Variants in NOL10 observed in about 807,000 individuals in gnomAD.
NOL10 encodes the protein H_NH0074G24.1.
Under a neutral mutation model 103.5 loss-of-function variants are expected in NOL10, and 58 were observed. The observed-to-expected ratio is 0.56, with a 90% CI of 0.45 to 0.70. The LOEUF (loss-of-function observed/expected upper bound fraction) is 0.70, where lower values mean the gene tolerates loss of function less well. NOL10 is among the 30% of genes least tolerant of loss of function. The pLI, the probability that NOL10 is intolerant of heterozygous loss-of-function variation, is 0.00. For missense variants in NOL10, 763 were observed against 807.3 expected, an observed-to-expected ratio of 0.95 and a Z score of 0.67; for synonymous variants, 287 against 282.5, an observed-to-expected ratio of 1.02 and a Z score of -0.16.
At chr2:10,600,569 A>G (rs1214020771) in intron 17 of NOL10, among the ~76,000 whole-genome samples, 1 of 151,290 alleles carries the variant, frequency 6.6e-6, no homozygotes, top group African/African-American at 2.4e-5. Context: ...TTACACATAC[A>G]AGACTCTTGC....
intron 19 of NOL10, among the ~76,000 whole-genome samples, chr2:10,588,056 C>T (rs528767760): frequency 6.6e-6 from 1 of 152,288 alleles, no homozygotes; most frequent in African/African-American, 2.4e-5. Flanking sequence ...CAATCTTGTG[C>T]ATCAATACTT....
chr2:10,657,609 T>A (rs892513180), intron 11 of NOL10, 133 bp downstream of exon 11: 23 of 653,846 alleles, frequency 3.5e-5, no homozygotes, highest in African/African-American at 3.1e-4. Flanking sequence ...GTAACTGACC[T>A]CCCGCTAAGT....
chr2:10,655,801 A>G (rs1314910572), intron 11 of NOL10, among the ~76,000 whole-genome samples: 1 of 152,242 alleles, frequency 6.6e-6, no homozygotes, highest in Non-Finnish European at 1.5e-5. Flanking sequence ...TGACACTAGG[A>G]TGGACTAAGT....
intron 6 of NOL10, among the ~76,000 whole-genome samples, 186 bp downstream of exon 6, chr2:10,671,368 T>G (rs1680920175): frequency 6.6e-6 from 1 of 151,868 alleles, no homozygotes; most frequent in South Asian, 2.1e-4. Context: ...TAAACCAATA[T>G]GTAGAAAATA....
chr2:10,606,823 C>T (rs1229496086), intron 14 of NOL10, among the ~76,000 whole-genome samples: 3 of 151,864 alleles, frequency 2.0e-5, no homozygotes, highest in African/African-American at 7.3e-5. Flanking sequence ...ATTTACTTGC[C>T]GTCTCTGAGA....
chr2:10,684,102 A>C (rs559298216), intron 2 of NOL10, among the ~76,000 whole-genome samples: 47 of 151,702 alleles, frequency 3.1e-4, no homozygotes, highest in Non-Finnish European at 5.3e-4. Context: ...AACATGGAGA[A>C]ACCCCATCTC....
At chr2:10,607,809 G>A (rs1676339185) in intron 13 of NOL10, among the ~76,000 whole-genome samples, 2 of 147,280 alleles carry the variant, frequency 1.4e-5, no homozygotes, top group Admixed American at 6.8e-5. Context: ...TGTTGCCCAG[G>A]TTGGTCTTGA....
At chr2:10,603,041 G>A (rs776726129) in intron 15 of NOL10, 37 bp downstream of exon 15, 1 of 1,513,168 alleles carries the variant, frequency 6.6e-7, no homozygotes, top group Non-Finnish European at 9.1e-7. Flanking sequence ...CTGCGCATTA[G>A]TTACCTGAAA....
rs151127944 is a variant in NOL10, at chr2:10,671,721, T to C, written c.328-31A>G. ...AATAAAACAAAAAAATTAGTTTGCT[T>C]AGGTTTCTAGTTAGGTGTTTACTTC... On this transcript the variant is annotated intron_variant, in intron 5 of 20. Coordinates refer to ENST00000381685, the MANE Select transcript of NOL10 (RefSeq NM_024894.4). The C allele has an allele frequency of 9.8e-5, 148 of 1,504,144 alleles. No homozygotes were observed. In the East Asian group the frequency reaches 3.4e-3, roughly 34 times the overall value. 93.2% of individuals were successfully genotyped at this position (1,504,144 alleles called of 1,614,324 possible).
intron 13 of NOL10, among the ~76,000 whole-genome samples, chr2:10,637,804 G>A (rs1007979349): frequency 2.0e-5 from 3 of 152,168 alleles, no homozygotes; most frequent in African/African-American, 7.2e-5. Flanking sequence ...AACAGACGCA[G>A]AAGCACTAGT....
intron 13 of NOL10, among the ~76,000 whole-genome samples, chr2:10,632,600 G>C (rs1677921126): frequency 6.6e-6 from 1 of 152,120 alleles, no homozygotes; most frequent in East Asian, 1.9e-4. Flanking sequence ...AATTATGTCT[G>C]GTGGACAGTT....
chr2:10,676,638 C>CTTTTTT (rs1281732474), intron 3 of NOL10, among the ~76,000 whole-genome samples: 1 of 135,336 alleles, frequency 7.4e-6, no homozygotes, highest in Non-Finnish European at 1.6e-5. Flanking sequence ...GGCACTTTGT[C>CTTTTTT]TTTTTTTTTT....
chr2:10,630,572 C>T (rs1045336411), intron 13 of NOL10, among the ~76,000 whole-genome samples: 2 of 151,978 alleles, frequency 1.3e-5, no homozygotes, highest in African/African-American at 4.8e-5. Flanking sequence ...ATTAGTCGGG[C>T]ATGGTGGTGG....
chr2:10,663,966 T>A lies in NOL10; in HGVS notation c.592-922A>T, dbSNP rs75148735. On this transcript the variant is annotated intron_variant, in intron 8 of 20. Transcript: ENST00000381685. ...ACTCCGTCTCCAAAAAAAAAAAAAA[T>A]ACAAAATTAGCCAGGCATAGTGGCG... Among the ~76,000 whole-genome samples the A allele has an allele frequency of 7.3e-4, 101 of 138,408 alleles. 1 individual carries two copies. Among genetic ancestry groups the A allele is most frequent in the African/African-American group, 2.5e-3 (93 of 37,002 alleles). 90.8% of individuals were successfully genotyped at this position (138,408 alleles called of 152,430 possible). A position where few individuals can be genotyped will look rare whatever the true frequency, so the allele number is the denominator to read the frequency against.
chr2:10,673,123 C>T (rs1424064935), intron 5 of NOL10, among the ~76,000 whole-genome samples: 1 of 152,060 alleles, frequency 6.6e-6, no homozygotes, highest in East Asian at 1.9e-4. Flanking sequence ...AAACACACAA[C>T]CCTGCTAGTT....
chr2:10,626,797 G>A (rs755662206), intron 13 of NOL10, among the ~76,000 whole-genome samples: 8 of 152,194 alleles, frequency 5.3e-5, no homozygotes, highest in Non-Finnish European at 1.2e-4. Flanking sequence ...CATGCCAGAT[G>A]TAAGACTATT....
At chr2:10,593,389 G>A (rs563466155) in intron 17 of NOL10, among the ~76,000 whole-genome samples, 15 of 151,962 alleles carry the variant, frequency 9.9e-5, no homozygotes, top group South Asian at 2.1e-4. Flanking sequence ...CGCCTGCCTC[G>A]GCCTTCCAAA....
rs559150174 is a variant in NOL10 at position 10,571,020 on chromosome 2, C to G, written c.*1051G>C. On this transcript the variant is annotated 3_prime_UTR_variant, in exon 21 of 21. Transcript: ENST00000381685. Reference sequence around the variant, plus strand: ...GTATTATATTTACTAGTCAAGTATCCCAAATCTGAAAATCCAAAACCTGAA... The same window carrying G: ...GTATTATATTTACTAGTCAAGTATCGCAAATCTGAAAATCCAAAACCTGAA... 2.0e-5 allele frequency: 3 copies of G among 152,078 alleles called. No individual in the cohort carries two copies. The highest frequency in any genetic ancestry group is 7.2e-5 in the African/African-American group (3 of 41,456). 9.4% of individuals were successfully genotyped at this position (152,078 alleles called of 1,614,324 possible).
intron 13 of NOL10, among the ~76,000 whole-genome samples, chr2:10,610,186 T>C (rs1218976032): frequency 6.6e-6 from 1 of 152,164 alleles, no homozygotes; most frequent in African/African-American, 2.4e-5. Flanking sequence ...AATAAATTGT[T>C]CCACCTTTTT....
Sources: allele counts gnomAD v4.1 joint callset (sites outside exome capture counted in the v4.1 genomes callset), GRCh38; gene constraint gnomAD v4.1.1; transcripts MANE v1.5; gene names NCBI Gene and HGNC (gene_info 2026-07-23, HGNC 2026-07-21).